KLHDC4: variants seen among roughly 807,000 people sequenced by gnomAD.
KLHDC4 encodes kelch domain containing 4.
KLHDC4 carries 90 observed loss-of-function variants against 62.4 expected under a neutral mutation model. The observed-to-expected ratio is 1.44, with a 90% CI of 1.22 to 1.72. KLHDC4 has a LOEUF of 1.72. KLHDC4 is among the 40% of genes most tolerant of loss of function. The pLI is 0.00. For synonymous variants in KLHDC4, 386 were observed against 284.4 expected, an observed-to-expected ratio of 1.36 and a Z score of -3.59; for missense variants, 1,025 against 699.7, an observed-to-expected ratio of 1.47 and a Z score of -5.25.
chr16:87,757,853 T>A (rs150068168), intron 2 of KLHDC4, among the ~76,000 whole-genome samples: 1 of 152,000 alleles, frequency 6.6e-6, no homozygotes, highest in African/African-American at 2.4e-5. Context: ...GATTGCATCA[T>A]TGCACTCCAT....
At chr16:87,730,705 C>T (rs574704464) in intron 5 of KLHDC4, 61 bp from the exon 6 acceptor site, 60 of 1,440,026 alleles carry the variant, frequency 4.2e-5, no homozygotes, top group South Asian at 2.4e-4. Flanking sequence ...GTTCTAAAGA[C>T]GACAACAACA....
chr16:87,720,838 TG>T (rs1321364158), intron 7 of KLHDC4, among the ~76,000 whole-genome samples: 1 of 152,194 alleles, frequency 6.6e-6, no homozygotes, highest in Non-Finnish European at 1.5e-5. Context: ...GCAGCCTCTT[TG>T]GGGACACTGC....
intron 2 of KLHDC4, among the ~76,000 whole-genome samples, chr16:87,759,340 G>C (rs1029546523): frequency 8.7e-5 from 13 of 150,234 alleles, no homozygotes; most frequent in African/African-American, 2.7e-4. Context: ...TTTGAGGCCA[G>C]CCTGACTCCA....
intron 5 of KLHDC4, among the ~76,000 whole-genome samples, chr16:87,734,520 G>C (rs1190513087): frequency 6.6e-6 from 1 of 152,138 alleles, no homozygotes; most frequent in Admixed American, 6.5e-5. Flanking sequence ...GCTCAAACGC[G>C]GGATCCCACC....
At chr16:87,709,982 C>A in intron 9 of KLHDC4, 1 of 364,800 alleles carries the variant, frequency 2.7e-6, no homozygotes. Context: ...ACACAGGGCA[C>A]CAGCCCCACA....
chr16:87,731,404 C>G (rs1192497916), intron 5 of KLHDC4, among the ~76,000 whole-genome samples: 1 of 151,308 alleles, frequency 6.6e-6, no homozygotes, highest in Non-Finnish European at 1.5e-5. Context: ...GATAAATGAC[C>G]CAATAAAAAT....
chr16:87,742,664 T>C (rs765067789), intron 5 of KLHDC4, among the ~76,000 whole-genome samples: 1 of 152,102 alleles, frequency 6.6e-6, no homozygotes, highest in Admixed American at 6.5e-5. Flanking sequence ...ATGGGACTGA[T>C]GTCCGGAGTG....
intron 9 of KLHDC4, 90 bp from the exon 10 acceptor site, chr16:87,709,757 G>A (rs943411506): frequency 3.8e-5 from 53 of 1,404,910 alleles, no homozygotes; most frequent in Middle Eastern, 1.8e-4. Flanking sequence ...AAGGGTTTGC[G>A]GGGACCACCC....
chr16:87,709,530 G>C lies in KLHDC4; in HGVS notation c.1182C>G (p.Thr394=). The part of the protein sequence containing the change: ...LVKEVVAEDG[T]VVTIKQVLTA... ...TGAGCACCTGCTTAATGGTGACCAC[G>C]GTGCCATCCTCGGCCACCACCTCCT... The change falls in exon 10 of 12, where the codon ACC becomes ACG. Residue 394 remains threonine (T), a synonymous_variant. Transcript: ENST00000270583. 1 of 1,612,374 alleles carries C rather than the reference G, an allele frequency of 6.2e-7. No homozygotes were observed. Among genetic ancestry groups the C allele is most frequent in the Non-Finnish European group, 8.5e-7 (1 of 1,179,988 alleles).
chr16:87,706,148 G>GCGGCACCTGCA (rs1410837741), downstream of KLHDC4, among the ~76,000 whole-genome samples: 1 of 140,604 alleles, frequency 7.1e-6, no homozygotes. Flanking sequence ...CTCGCGGGGG[G>GCGGCACCTGCA]GTCAGCGTAA....
chr16:87,754,825 T>C (rs1230770484), intron 4 of KLHDC4, among the ~76,000 whole-genome samples: 3 of 152,170 alleles, frequency 2.0e-5, no homozygotes, highest in East Asian at 1.9e-4. Context: ...GCTAATACAA[T>C]TGTTTTCCTT....
At chr16:87,721,059 C>A (rs2038207432) in intron 7 of KLHDC4, among the ~76,000 whole-genome samples, 1 of 152,196 alleles carries the variant, frequency 6.6e-6, no homozygotes, top group Admixed American at 6.5e-5. Context: ...GGCCACTCAA[C>A]CCCCCACAGC....
intron 1 of KLHDC4, 86 bp downstream of exon 1, chr16:87,765,706 G>A (rs1567857553): frequency 3.0e-6 from 4 of 1,335,782 alleles, no homozygotes; most frequent in Admixed American, 2.4e-5. Context: ...TCCCACGGCC[G>A]ACCCGTAACC....
chr16:87,726,753 C>T lies in KLHDC4; in HGVS notation c.759+12G>A. On this transcript the variant is annotated intron_variant, in intron 7 of 11. Coordinates refer to ENST00000270583, the MANE Select transcript of KLHDC4 (RefSeq NM_017566.4). Reference sequence around the variant, plus strand: ...TCCCACGCCTTGCCTGTTTCCCCACCCCCCGCCTTACCTGTTTCGAGTAGC... The same window carrying T: ...TCCCACGCCTTGCCTGTTTCCCCACTCCCCGCCTTACCTGTTTCGAGTAGC... 6.5e-7 allele frequency: 1 copy of T among 1,544,148 alleles called. No individual in the cohort carries two copies.
chr16:87,722,806 G>A (rs549942890), intron 7 of KLHDC4, among the ~76,000 whole-genome samples: 66 of 152,366 alleles, frequency 4.3e-4, no homozygotes, highest in Non-Finnish European at 7.3e-4. Flanking sequence ...GAGGGCCCCG[G>A]GGAGGCGCCA....
chr16:87,751,420 G>A (rs1042767522), intron 4 of KLHDC4, among the ~76,000 whole-genome samples: 2 of 151,606 alleles, frequency 1.3e-5, no homozygotes, highest in African/African-American at 2.4e-5. Context: ...GTTGCAGTGA[G>A]CTGAGGTCGC....
Position 87,748,748 on chromosome 16 carries a change from G to A in KLHDC4, c.431C>T (p.Pro144Leu). 6.2e-7 allele frequency: 1 copy of A among 1,613,392 alleles called. No individual in the cohort carries two copies. Among genetic ancestry groups the A allele is most frequent in the Non-Finnish European group, 8.5e-7 (1 of 1,179,882 alleles). Reference protein sequence around the residue: ...LWVFGGEFASPNGEQFYHYKD... With the variant: ...LWVFGGEFASLNGEQFYHYKD... Reference sequence around the variant, plus strand: ...GTAGTGGTAGAACTGCTCTCCGTTGGGAGAGGCAAACTCCCCTCCAAAGAC... The same window carrying A: ...GTAGTGGTAGAACTGCTCTCCGTTGAGAGAGGCAAACTCCCCTCCAAAGAC... The change falls in exon 5 of 12, where the codon CCC (proline) becomes CTC (leucine). Residue 144 changes from proline (P) to leucine (L), a missense_variant. Coordinates refer to ENST00000270583, the MANE Select transcript of KLHDC4 (RefSeq NM_017566.4).
At chr16:87,715,120 C>T (rs1047184099) in intron 7 of KLHDC4, among the ~76,000 whole-genome samples, 1 of 152,222 alleles carries the variant, frequency 6.6e-6, no homozygotes, top group African/African-American at 2.4e-5. Context: ...TTCCCCAGCA[C>T]CCATGCCCTA....
chr16:87,755,153 T>A (rs1261874512), intron 4 of KLHDC4, 41 bp downstream of exon 4: 1 of 1,368,048 alleles, frequency 7.3e-7, no homozygotes, highest in Admixed American at 1.7e-5. Flanking sequence ...GACTCCCACG[T>A]GGGAAGAGGG....
Sources: allele counts gnomAD v4.1 joint callset (sites outside exome capture counted in the v4.1 genomes callset), GRCh38; gene constraint gnomAD v4.1.1; transcripts MANE v1.5; gene names NCBI Gene and HGNC (gene_info 2026-07-23, HGNC 2026-07-21).